The following XKR6 variants were observed in gnomAD, a reference collection of about 807,000 sequenced individuals.
XKR6 encodes XK-related protein 6.
A neutral mutation model predicts 56.7 loss-of-function variants in XKR6; 22 were observed. The ratio of observed to expected loss-of-function variants is 0.39; its 90% CI spans 0.28 to 0.55. The LOEUF (loss-of-function observed/expected upper bound fraction) is 0.55, where lower values mean the gene tolerates loss of function less well. Among genes scored for constraint, XKR6 ranks in the 20% least tolerant of loss-of-function variants. The pLI is 0.66. For synonymous variants in XKR6, 524 were observed against 387.8 expected, an observed-to-expected ratio of 1.35 and a Z score of -4.13; for missense variants, 852 against 889.0, an observed-to-expected ratio of 0.96 and a Z score of 0.53.
chr8:11,049,629 A>G (rs1799495250), intron 1 of XKR6, among the ~76,000 whole-genome samples: 1 of 152,216 alleles, frequency 6.6e-6, no homozygotes, highest in African/African-American at 2.4e-5. Flanking sequence ...TCCTGCAAGA[A>G]GGGCTGCCAA....
At chr8:11,155,169 C>G (rs1017874169) in intron 1 of XKR6, among the ~76,000 whole-genome samples, 1 of 152,216 alleles carries the variant, frequency 6.6e-6, no homozygotes, top group Admixed American at 6.5e-5. Flanking sequence ...CATTTTATCA[C>G]TCAGAAAGAT....
At chr8:11,125,956 A>G (rs1799762706) in intron 1 of XKR6, 1 of 152,220 alleles carries the variant, frequency 6.6e-6, no homozygotes, top group Non-Finnish European at 1.5e-5. Flanking sequence ...GTAACTCACA[A>G]CAAACTTGAT....
chr8:11,008,161 C>A (rs985033411), intron 1 of XKR6, among the ~76,000 whole-genome samples: 6 of 152,210 alleles, frequency 3.9e-5, no homozygotes, highest in African/African-American at 1.4e-4. Context: ...TGCTCAAATA[C>A]CCTCGGTGGC....
At chr8:11,102,544 C>A (rs1434744820) in intron 1 of XKR6, among the ~76,000 whole-genome samples, 1 of 152,156 alleles carries the variant, frequency 6.6e-6, no homozygotes, top group Admixed American at 6.5e-5. Context: ...GGGACAAACA[C>A]CAATTGTTGA....
At chr8:11,152,624 A>G (rs529187487) in intron 1 of XKR6, among the ~76,000 whole-genome samples, 1 of 152,294 alleles carries the variant, frequency 6.6e-6, no homozygotes, top group East Asian at 1.9e-4. Context: ...TCTCATTCTA[A>G]TATCAATAAC....
intron 1 of XKR6, among the ~76,000 whole-genome samples, chr8:10,939,059 C>G (rs1198520275): frequency 6.6e-6 from 1 of 151,892 alleles, no homozygotes; most frequent in Non-Finnish European, 1.5e-5. Flanking sequence ...CTGCTTCTCC[C>G]AGGACCTGCT....
intron 1 of XKR6, among the ~76,000 whole-genome samples, chr8:11,144,382 T>C (rs532201530): frequency 2.1e-4 from 31 of 146,672 alleles, no homozygotes; most frequent in Non-Finnish European, 4.2e-4. Flanking sequence ...TGAGAGATGG[T>C]CACATTTGAG....
intron 1 of XKR6, among the ~76,000 whole-genome samples, chr8:10,941,152 G>C (rs1427634168): frequency 6.6e-6 from 1 of 152,066 alleles, no homozygotes; most frequent in Non-Finnish European, 1.5e-5. Context: ...TGTCCAACAG[G>C]CTCCTTCTAC....
At chr8:11,159,794 C>A (rs1801703315) in intron 1 of XKR6, among the ~76,000 whole-genome samples, 1 of 152,186 alleles carries the variant, frequency 6.6e-6, no homozygotes, top group Non-Finnish European at 1.5e-5. Flanking sequence ...GGAGGGGCAA[C>A]TTCTAGAAAT....
chr8:11,062,346 G>A (rs891545804), intron 1 of XKR6, among the ~76,000 whole-genome samples: 3 of 152,116 alleles, frequency 2.0e-5, no homozygotes, highest in African/African-American at 4.8e-5. Context: ...TCTGTAAGCC[G>A]AATATTTATA....
At chr8:11,072,966 C>T (rs995541890) in intron 1 of XKR6, among the ~76,000 whole-genome samples, 1 of 152,072 alleles carries the variant, frequency 6.6e-6, no homozygotes. Context: ...AGGAGAATTG[C>T]TTCAACCTGG....
At chr8:11,045,772 G>A (rs1372889189) in intron 1 of XKR6, among the ~76,000 whole-genome samples, 1 of 152,168 alleles carries the variant, frequency 6.6e-6, no homozygotes, top group Non-Finnish European at 1.5e-5. Flanking sequence ...CTCCACCACA[G>A]AGGCAGTGCA....
rs571043500 is a variant in XKR6, at chr8:10,927,204, C to T, written c.765-2374G>A. Reference sequence around the variant, plus strand: ...AGGCTGATCAACCGTGATGGCAGTGCGGGGAGGCAGGGCATCAGGGGACAT... The same window carrying T: ...AGGCTGATCAACCGTGATGGCAGTGTGGGGAGGCAGGGCATCAGGGGACAT... On this transcript the variant is annotated intron_variant, in intron 1 of 2. Coordinates refer to ENST00000416569, the MANE Select transcript of XKR6 (RefSeq NM_173683.4). 5.3e-5 allele frequency among the ~76,000 whole-genome samples: 8 copies of T among 152,214 alleles called. No individual in the cohort carries two copies. In the South Asian group the frequency reaches 1.0e-3, roughly 20 times the overall value.
intron 1 of XKR6, among the ~76,000 whole-genome samples, chr8:11,018,231 A>C (rs985795398): frequency 3.4e-5 from 3 of 87,870 alleles, no homozygotes; most frequent in African/African-American, 1.2e-4. Context: ...CCTCCCTGCC[A>C]TCAGCTAAGA....
chr8:11,074,265 T>C (rs1800209036), intron 1 of XKR6, among the ~76,000 whole-genome samples: 1 of 152,164 alleles, frequency 6.6e-6, no homozygotes, highest in South Asian at 2.1e-4. Flanking sequence ...GCGCTCCCTC[T>C]GTCTAGTGTG....
At chr8:10,996,488 A>G (rs917765460) in intron 1 of XKR6, among the ~76,000 whole-genome samples, 2 of 152,224 alleles carry the variant, frequency 1.3e-5, no homozygotes, top group African/African-American at 4.8e-5. Flanking sequence ...TATACTGCTA[A>G]GAGCAAGAAA....
chr8:11,040,079 G>C (rs1799247301), intron 1 of XKR6, among the ~76,000 whole-genome samples: 1 of 152,116 alleles, frequency 6.6e-6, no homozygotes, highest in Non-Finnish European at 1.5e-5. Flanking sequence ...GAAGAAAACG[G>C]AGGCCCAGGC....
At chr8:11,169,883 T>C (rs1442132510) in intron 1 of XKR6, among the ~76,000 whole-genome samples, 2 of 152,222 alleles carry the variant, frequency 1.3e-5, no homozygotes, top group African/African-American at 2.4e-5. Context: ...TAAAATGGTA[T>C]ATTTTGTGTT....
intron 1 of XKR6, among the ~76,000 whole-genome samples, chr8:11,169,974 G>C (rs553396059): frequency 7.8e-5 from 9 of 115,680 alleles, no homozygotes; most frequent in African/African-American, 3.4e-4. Context: ...TGATCTCATA[G>C]ACATACATAA....
Sources: allele counts gnomAD v4.1 joint callset (sites outside exome capture counted in the v4.1 genomes callset), GRCh38; gene constraint gnomAD v4.1.1; transcripts MANE v1.5; gene names NCBI Gene and HGNC (gene_info 2026-07-23, HGNC 2026-07-21).